Variants in COL24A1 observed in about 807,000 individuals in gnomAD.
COL24A1 encodes collagen type XXIV alpha 1 chain.
A neutral mutation model predicts 253.9 loss-of-function variants in COL24A1; 224 were observed. The ratio of observed to expected loss-of-function variants is 0.88; its 90% CI spans 0.79 to 0.99. The LOEUF (loss-of-function observed/expected upper bound fraction) is 0.99, where lower values mean the gene tolerates loss of function less well. COL24A1 is among the 50% of genes least tolerant of loss of function. COL24A1 has a pLI of 0.00. For missense variants in COL24A1, 2,131 were observed against 2,068.5 expected, an observed-to-expected ratio of 1.03 and a Z score of -0.59; for synonymous variants, 685 against 673.7, an observed-to-expected ratio of 1.02 and a Z score of -0.26.
At chr1:86,062,926 T>C (rs754783873) in intron 8 of COL24A1, among the ~76,000 whole-genome samples, 8 of 152,112 alleles carry the variant, frequency 5.3e-5, no homozygotes, top group Admixed American at 2.0e-4. Context: ...GTACCAACCA[T>C]CACATTTCTT....
chr1:86,021,857 C>T (rs1179356932), intron 18 of COL24A1, among the ~76,000 whole-genome samples: 2 of 152,050 alleles, frequency 1.3e-5, no homozygotes, highest in African/African-American at 4.8e-5. Context: ...AGAGTGCAAA[C>T]ATGCTACCTT....
At chr1:85,889,725 G>T in intron 31 of COL24A1, 112 bp from the exon 32 acceptor site, 3 of 833,244 alleles carry the variant, frequency 3.6e-6, no homozygotes, top group South Asian at 1.6e-5. Context: ...TCTGTCTATT[G>T]CTATTCTTTT....
rs575786123 is a variant in COL24A1 at position 86,061,415 on chromosome 1, C to T, written c.1753-2241G>A. 1.2e-3 allele frequency among the ~76,000 whole-genome samples: 181 copies of T among 152,168 alleles called. 3 individuals carry two copies. The highest frequency in any genetic ancestry group is 6.8e-3 in the Middle Eastern group (2 of 294). Reference sequence around the variant, plus strand: ...ATCTGGCTAATGAAAACCACCATCCCTTTTCCATTCCTTTCCTAGTCAAAT... The same window carrying T: ...ATCTGGCTAATGAAAACCACCATCCTTTTTCCATTCCTTTCCTAGTCAAAT... On this transcript the variant is annotated intron_variant, in intron 8 of 59. Transcript: ENST00000370571.
At chr1:85,830,206 C>T (rs576309129) in intron 43 of COL24A1, among the ~76,000 whole-genome samples, 1 of 152,122 alleles carries the variant, frequency 6.6e-6, no homozygotes, top group East Asian at 1.9e-4. Context: ...TCTGCCCCTG[C>T]TGGGGGGTGC....
At chr1:85,818,194 A>G in intron 45 of COL24A1, 107 bp from the exon 46 acceptor site, 2 of 794,358 alleles carry the variant, frequency 2.5e-6, no homozygotes, top group Non-Finnish European at 4.3e-6. Flanking sequence ...ACTAGCACGA[A>G]CTAGTTGTAT....
At chr1:86,048,992 C>T (rs568420240) in intron 11 of COL24A1, among the ~76,000 whole-genome samples, 10 of 152,144 alleles carry the variant, frequency 6.6e-5, no homozygotes, top group East Asian at 3.9e-4. Context: ...ATTGTTATCA[C>T]GAACAGCAGA....
intron 10 of COL24A1, among the ~76,000 whole-genome samples, chr1:86,057,441 C>T (rs1700749444): frequency 6.6e-6 from 1 of 152,090 alleles, no homozygotes; most frequent in South Asian, 2.1e-4. Flanking sequence ...TATTTTGCTT[C>T]CTTAGTGAAT....
At chr1:85,845,936 G>C (rs1018998179) in intron 39 of COL24A1, among the ~76,000 whole-genome samples, 36 of 151,834 alleles carry the variant, frequency 2.4e-4, no homozygotes, top group Admixed American at 1.6e-3. Flanking sequence ...ATCATAGCAA[G>C]AGTCAAACTT....
At chr1:86,135,178 C>A (rs1163238562) in intron 2 of COL24A1, among the ~76,000 whole-genome samples, 1 of 151,718 alleles carries the variant, frequency 6.6e-6, no homozygotes, top group East Asian at 1.9e-4. Flanking sequence ...CAACCTCTGC[C>A]TTTTTTTGTT....
chr1:85,987,564 C>T, intron 20 of COL24A1, 37 bp downstream of exon 20: 2 of 1,566,504 alleles, frequency 1.3e-6, no homozygotes, highest in African/African-American at 1.4e-5. Flanking sequence ...TCTAGATAAC[C>T]ATAATTGTTT....
intron 24 of COL24A1, among the ~76,000 whole-genome samples, chr1:85,957,139 A>G (rs758244702): frequency 3.0e-4 from 46 of 152,140 alleles, no homozygotes; most frequent in Non-Finnish European, 4.3e-4. Context: ...GAGTTGAACA[A>G]TGAGAACACA....
intron 55 of COL24A1, among the ~76,000 whole-genome samples, chr1:85,756,794 C>T (rs1482540453): frequency 6.6e-6 from 1 of 152,036 alleles, no homozygotes; most frequent in East Asian, 1.9e-4. Context: ...TCACAATAGC[C>T]AAAAGGTAGA....
chr1:85,808,450 A>G (rs2101855918), intron 47 of COL24A1, among the ~76,000 whole-genome samples: 1 of 152,280 alleles, frequency 6.6e-6, no homozygotes, highest in Middle Eastern at 3.4e-3. Context: ...AATATTTCCT[A>G]TCCACATTCT....
rs574877834 is a variant in COL24A1, at chr1:85,874,766, G to T, written c.3085-64C>A. 122 of 1,551,122 alleles carry T rather than the reference G, an allele frequency of 7.9e-5. 2 individuals carry two copies. The South Asian group carries it at 1.2e-3, about 16-fold the overall frequency. Reference sequence around the variant, plus strand: ...AAGACTGCATGGCTAATTATGGAGGGCATGCCATACGGCACAGTTCCCCAA... The same window carrying T: ...AAGACTGCATGGCTAATTATGGAGGTCATGCCATACGGCACAGTTCCCCAA... On this transcript the variant is annotated intron_variant, in intron 34 of 59. Coordinates refer to ENST00000370571, the MANE Select transcript of COL24A1 (RefSeq NM_152890.7).
chr1:85,864,339 G>T (rs2102474192), intron 37 of COL24A1, among the ~76,000 whole-genome samples: 1 of 148,092 alleles, frequency 6.8e-6, no homozygotes, highest in East Asian at 2.1e-4. Context: ...TCATAGGTGG[G>T]AATTGCACAA....
intron 47 of COL24A1, among the ~76,000 whole-genome samples, chr1:85,807,892 T>A (rs1434196201): frequency 1.3e-5 from 2 of 152,130 alleles, no homozygotes; most frequent in Non-Finnish European, 2.9e-5. Flanking sequence ...CTGATGATAA[T>A]CCCTGGAAAT....
At chr1:86,004,225 A>G (rs1215591949) in intron 19 of COL24A1, among the ~76,000 whole-genome samples, 1 of 152,200 alleles carries the variant, frequency 6.6e-6, no homozygotes, top group East Asian at 1.9e-4. Context: ...AAGTATCAGC[A>G]GTTCATCATC....
At position 86,051,608 on chromosome 1, in the gene COL24A1, G is replaced by A. The variant is rs544102997; in HGVS notation, c.1852-1431C>T. Reference sequence around the variant, plus strand: ...GTGGCAAGGGGTCATGTCATGAAGAGTCTTTTTTGTTATGATGGAAAGTCT... The same window carrying A: ...GTGGCAAGGGGTCATGTCATGAAGAATCTTTTTTGTTATGATGGAAAGTCT... On this transcript the variant is annotated intron_variant, in intron 10 of 59. Coordinates refer to ENST00000370571, the MANE Select transcript of COL24A1 (RefSeq NM_152890.7). Among the ~76,000 whole-genome samples the A allele has an allele frequency of 9.9e-5, 15 of 152,132 alleles. 1 individual carries two copies. The South Asian group carries it at 3.1e-3, about 32-fold the overall frequency.
rs147562130 is a variant in COL24A1 at position 85,907,791 on chromosome 1, G to A, written c.2725-544C>T. ...TCAATTATAATGAATTATTTTTATAGCTATAGTCTTTAATTAAGACTCAAC... is the reference window on the plus strand; with the variant it reads ...TCAATTATAATGAATTATTTTTATAACTATAGTCTTTAATTAAGACTCAAC... On this transcript the variant is annotated intron_variant, in intron 27 of 59. Coordinates refer to ENST00000370571, the MANE Select transcript of COL24A1 (RefSeq NM_152890.7). Among the ~76,000 whole-genome samples the A allele has an allele frequency of 9.4e-3, 1,434 of 151,796 alleles. 23 individuals are homozygous for A. Among genetic ancestry groups the A allele is most frequent in the African/African-American group, 0.032 (1,344 of 41,478 alleles).
Sources: gnomAD v4.1 joint callset for allele counts (sites outside exome capture counted in the v4.1 genomes callset) on GRCh38, gnomAD v4.1.1 for gene constraint, MANE v1.5 for transcripts, NCBI Gene and HGNC (gene_info 2026-07-23, HGNC 2026-07-21) for gene names.